The following SPNS1 variants were observed in gnomAD, a reference collection of about 807,000 sequenced individuals.
SPNS1 encodes the protein protein spinster homolog 1.
In SPNS1, 22 loss-of-function variants were observed where a neutral mutation model predicts 50.3. That is an observed-to-expected ratio of 0.44 (90% CI 0.31 to 0.62). The LOEUF is 0.62. Ranked by LOEUF, SPNS1 falls within the 20% of genes least tolerant of loss-of-function variation. The pLI, the probability that SPNS1 is intolerant of heterozygous loss-of-function variation, is 0.07. For missense variants in SPNS1, 576 were observed against 728.6 expected, an observed-to-expected ratio of 0.79 and a Z score of 2.41; for synonymous variants, 295 against 317.4, an observed-to-expected ratio of 0.93 and a Z score of 0.75.
rs768557181 is a variant in SPNS1, at chr16:28,981,499, T to A, written c.693T>A (p.Val231=). Reference sequence around the variant, plus strand: ...CACCGGGTCTAGGAGTGGTGGCCGTTCTGCTGCTGTTCCTGGTAGTGCGGG... The same window carrying A: ...CACCGGGTCTAGGAGTGGTGGCCGTACTGCTGCTGTTCCTGGTAGTGCGGG... The part of the protein sequence containing the change: ...RVTPGLGVVA[V]LLLFLVVREP... Residue 231 remains valine (V), a synonymous_variant, in exon 6 of 12, where the codon GTT becomes GTA. Transcript: ENST00000311008. This position sits in a 1 kb window ranked among gnomAD's most constrained non-coding sequence, Gnocchi z 4.2. 4.3e-6 allele frequency: 7 copies of A among 1,614,074 alleles called. No individual in the cohort carries two copies. In the East Asian group the frequency reaches 1.3e-4, roughly 31 times the overall value.
Position 28,981,203 on chromosome 16 carries a change from A to G in SPNS1, c.664-267A>G, listed in dbSNP as rs977843210. On this transcript the variant is annotated intron_variant, in intron 5 of 11. Transcript: ENST00000311008. The surrounding 1 kb of genome is among the most constrained non-coding windows in gnomAD (Gnocchi z 4.2). ...TCTTGTTGGCCAAGCCTGGGATCCT[A>G]TTTAAACCAAGTGGATTGAGAGAAG... 6.6e-6 allele frequency among the ~76,000 whole-genome samples: 1 copy of G among 152,154 alleles called. No homozygotes were observed. The highest frequency in any genetic ancestry group is 2.4e-5 in the African/African-American group (1 of 41,428).
chr16:28,984,091 A>T (rs1596762149), intron 11 of SPNS1, 114 bp from the exon 12 acceptor site: 2 of 1,433,170 alleles, frequency 1.4e-6, no homozygotes, highest in Admixed American at 2.3e-5. Context: ...GTCTGCATCC[A>T]CCCCTGGGGT....
At chr16:28,980,814 A>G (rs920598347) in intron 5 of SPNS1, 1 of 152,816 alleles carries the variant, frequency 6.5e-6, no homozygotes, top group African/African-American at 2.4e-5. Flanking sequence ...AGATCGCACC[A>G]CTGCACTCCA....
downstream of SPNS1, chr16:28,984,735 C>A: frequency 1.2e-6 from 1 of 847,592 alleles, no homozygotes; most frequent in Non-Finnish European, 1.9e-6. Flanking sequence ...TGAGTCACGC[C>A]CCTGCTTCCC....
chr16:28,981,755 A>G lies in SPNS1; in HGVS notation c.809+140A>G. On this transcript the variant is annotated intron_variant, in intron 6 of 11. Coordinates refer to ENST00000311008, the MANE Select transcript of SPNS1 (RefSeq NM_032038.3). This position sits in a 1 kb window ranked among gnomAD's most constrained non-coding sequence, Gnocchi z 4.2. ...ACTGTCCCCTTGTGGCAGCTGCTTG[A>G]ATTACAGGCCCAGATCCTGGGAGCC... 6.7e-7 allele frequency: 1 copy of G among 1,488,020 alleles called. No homozygotes were observed. The highest frequency in any genetic ancestry group is 1.4e-5 in the African/African-American group (1 of 72,176). The allele number at this position is 1,488,020 out of a possible 1,614,324, so 92.2% of individuals were successfully genotyped here. A position where few individuals can be genotyped will look rare whatever the true frequency, so the allele number is the denominator to read the frequency against.
intron 4 of SPNS1, 41 bp downstream of exon 4, chr16:28,979,347 G>T (rs1445298319): frequency 3.1e-6 from 5 of 1,614,094 alleles, no homozygotes; most frequent in Non-Finnish European, 4.2e-6. Flanking sequence ...GAAGGGCCTG[G>T]TGTGGGGGAC....
chr16:28,977,005 C>T (rs564295422), intron 2 of SPNS1, among the ~76,000 whole-genome samples: 2 of 152,270 alleles, frequency 1.3e-5, no homozygotes, highest in Admixed American at 6.5e-5. Context: ...GGACAGTTTT[C>T]CCATAGGGAT....
chr16:28,984,119 A>G, intron 11 of SPNS1, 86 bp from the exon 12 acceptor site: 1 of 1,464,184 alleles, frequency 6.8e-7, no homozygotes, highest in South Asian at 1.3e-5. Context: ...TGGCTGCCCC[A>G]TCCATTTCCC....
Position 28,983,424 on chromosome 16 carries a change from G to A in SPNS1, c.1320+134G>A. On this transcript the variant is annotated intron_variant, in intron 10 of 11. Transcript: ENST00000311008. This position sits in a 1 kb window ranked among gnomAD's most constrained non-coding sequence, Gnocchi z 5.4. ...TCACCTTCCATTGTCAACTGGAGGA[G>A]AAAGATTTTGTCTTTGAATATTTCT... 1.4e-6 allele frequency: 1 copy of A among 729,336 alleles called. No homozygotes were observed. The highest frequency in any genetic ancestry group is 2.4e-6 in the Non-Finnish European group (1 of 423,712). The allele number at this position is 729,336 out of a possible 1,614,324, so 45.2% of individuals were successfully genotyped here.
At chr16:28,976,136 G>A (rs894231322) in intron 2 of SPNS1, among the ~76,000 whole-genome samples, 6 of 152,162 alleles carry the variant, frequency 3.9e-5, no homozygotes, top group South Asian at 2.1e-4. Context: ...GCCAGGCATG[G>A]TAGCGAGCGC....
Position 28,982,842 on chromosome 16 carries a change from C to G in SPNS1, c.1156-15C>G. Reference sequence around the variant, plus strand: ...GCCCTTACTGTCATGAACCCCCGACCCTCTCTTCCCCCAGATTTTCATCTT... The same window carrying G: ...GCCCTTACTGTCATGAACCCCCGACGCTCTCTTCCCCCAGATTTTCATCTT... On this transcript the variant is annotated splice_polypyrimidine_tract_variant and intron_variant, in intron 8 of 11. Transcript: ENST00000311008. 3 of 1,613,780 alleles carry G rather than the reference C, an allele frequency of 1.9e-6. No individual in the cohort carries two copies. The highest frequency in any genetic ancestry group is 2.5e-6 in the Non-Finnish European group (3 of 1,179,944).
chr16:28,983,335 G>A lies in SPNS1; in HGVS notation c.1320+45G>A. ...TGGCATGGGGTGGCTGGTGTCCTGA[G>A]CCTGGGCTGGATCAGAAGGCCTGGC... On this transcript the variant is annotated intron_variant, in intron 10 of 11. Coordinates refer to ENST00000311008, the MANE Select transcript of SPNS1 (RefSeq NM_032038.3). This position sits in a 1 kb window ranked among gnomAD's most constrained non-coding sequence, Gnocchi z 5.4. 1 of 1,510,730 alleles carries A rather than the reference G, an allele frequency of 6.6e-7. No individual in the cohort carries two copies. Among genetic ancestry groups the A allele is most frequent in the Non-Finnish European group, 9.2e-7 (1 of 1,086,070 alleles). 93.6% of individuals were successfully genotyped at this position (1,510,730 alleles called of 1,614,324 possible).
chr16:28,981,232 G>A lies in SPNS1; in HGVS notation c.664-238G>A, dbSNP rs1452155369. Among the ~76,000 whole-genome samples the A allele has an allele frequency of 1.3e-5, 2 of 152,166 alleles. No homozygotes were observed. The highest frequency in any genetic ancestry group is 2.9e-5 in the Non-Finnish European group (2 of 68,030). Reference sequence around the variant, plus strand: ...AAACCAAGTGGATTGAGAGAAGTAGGGGTACTGGTTTCCCAAAAGAAAATT... The same window carrying A: ...AAACCAAGTGGATTGAGAGAAGTAGAGGTACTGGTTTCCCAAAAGAAAATT... On this transcript the variant is annotated intron_variant, in intron 5 of 11. Transcript: ENST00000311008. This position sits in a 1 kb window ranked among gnomAD's most constrained non-coding sequence, Gnocchi z 4.2.
At position 28,983,680 on chromosome 16, in the gene SPNS1, C is replaced by T. The variant is rs1965640699; in HGVS notation, c.1321-106C>T. On this transcript the variant is annotated intron_variant, in intron 10 of 11. Transcript: ENST00000311008. The surrounding 1 kb of genome is among the most constrained non-coding windows in gnomAD (Gnocchi z 5.4). Reference sequence around the variant, plus strand: ...CTGCATCTAGCTCAAACCTCCTTCCCTTTCCTGGGCTCCACTTGTCTTTCT... The same window carrying T: ...CTGCATCTAGCTCAAACCTCCTTCCTTTTCCTGGGCTCCACTTGTCTTTCT... 10 of 1,342,118 alleles carry T rather than the reference C, an allele frequency of 7.5e-6. No homozygotes were observed. Among genetic ancestry groups the T allele is most frequent in the Non-Finnish European group, 1.0e-5 (10 of 992,166 alleles). The allele number at this position is 1,342,118 out of a possible 1,614,324, so 83.1% of individuals were successfully genotyped here.
At chr16:28,984,724 G>C, downstream of SPNS1, 1 of 784,904 alleles carries the variant, frequency 1.3e-6, no homozygotes, top group Admixed American at 2.1e-5. Context: ...GAGTGTGACC[G>C]TGAGTCACGC....
At chr16:28,982,328 A>AC (rs11301233) in intron 7 of SPNS1, 28 bp from the exon 8 acceptor site, 5 of 1,539,166 alleles carry the variant, frequency 3.2e-6, no homozygotes, top group Non-Finnish European at 4.4e-6. Context: ...ACAGGGACAA[A>AC]CCCCCCATTC....
rs1350647094 is a variant in SPNS1 at position 28,984,353 on chromosome 16, C to A, written c.*54C>A. On this transcript the variant is annotated 3_prime_UTR_variant, in exon 12 of 12. Transcript: ENST00000311008. ...TGCCACAGCTGGCCCTGGGCCCACC[C>A]CACGAAGGGCCTGGGCCTAACCCCT... is the stretch of plus-strand genomic sequence containing the variant. 6.5e-7 allele frequency: 1 copy of A among 1,545,268 alleles called. No individual in the cohort carries two copies. Among genetic ancestry groups the A allele is most frequent in the Middle Eastern group, 1.7e-4 (1 of 5,952 alleles).
At position 28,983,798 on chromosome 16, in the gene SPNS1, C is replaced by T. The variant is rs759048740; in HGVS notation, c.1333C>T (p.Leu445=). ...PYLIGLISDR[L]RRNWPPSFLS... is the part of the protein sequence containing the mutation. ...CCTCTCCCTGCAGATCTCTGACCGC[C>T]TGCGCCGGAACTGGCCCCCCTCCTT... Residue 445 remains leucine (L), a synonymous_variant, in exon 11 of 12, where the codon CTG becomes TTG. Coordinates refer to ENST00000311008, the MANE Select transcript of SPNS1 (RefSeq NM_032038.3). This position sits in a 1 kb window ranked among gnomAD's most constrained non-coding sequence, Gnocchi z 5.4. 30 of 1,594,012 alleles carry T rather than the reference C, an allele frequency of 1.9e-5. No individual in the cohort carries two copies. The highest frequency in any genetic ancestry group is 2.4e-5 in the Non-Finnish European group (28 of 1,172,430).
At chr16:28,976,775 C>T (rs1965358422) in intron 2 of SPNS1, among the ~76,000 whole-genome samples, 2 of 152,200 alleles carry the variant, frequency 1.3e-5, no homozygotes, top group African/African-American at 2.4e-5. Flanking sequence ...GGTCTTCAAA[C>T]CTCTGAAGAG....
Sources: allele counts gnomAD v4.1 joint callset (sites outside exome capture counted in the v4.1 genomes callset), GRCh38; gene constraint gnomAD v4.1.1; non-coding constraint Gnocchi (gnomAD v3.1); transcripts MANE v1.5; gene names NCBI Gene and HGNC (gene_info 2026-07-23, HGNC 2026-07-21).